The following AFTPH variants were observed in gnomAD, a reference collection of about 807,000 sequenced individuals.
AFTPH encodes the protein aftiphilin, also known as aftiphilin protein.
In AFTPH, 7 loss-of-function variants were observed where a neutral mutation model predicts 72.5. The ratio of observed to expected loss-of-function variants is 0.10; its 90% confidence interval spans 0.05 to 0.18. The LOEUF (loss-of-function observed/expected upper bound fraction) is 0.18, where lower values mean the gene tolerates loss of function less well. Among genes scored for constraint, AFTPH ranks in the 10% least tolerant of loss-of-function variants. AFTPH has a pLI of 1.00. For missense variants in AFTPH, 979 were observed against 1,060.5 expected (o/e 0.92, Z 1.07); for synonymous variants, 337 against 370.1 (o/e 0.91, Z 1.03).
chr2:64,559,138 G>A (rs1671564260), intron 2 of AFTPH, among the ~76,000 whole-genome samples: 1 of 152,148 alleles, frequency 6.6e-6, no homozygotes, highest in South Asian at 2.1e-4. Flanking sequence ...CCAGAGTCTG[G>A]GGTCCTGTGT....
At chr2:64,586,745 C>T (rs1673541773) in intron 8 of AFTPH, among the ~76,000 whole-genome samples, 1 of 152,228 alleles carries the variant, frequency 6.6e-6, no homozygotes, top group Admixed American at 6.5e-5. Context: ...AAAGCCTCCT[C>T]TTCAATGAAC....
Position 64,534,674 on chromosome 2 carries a change from G to A in AFTPH, c.-33+10062G>A, listed in dbSNP as rs576195998. Among the ~76,000 whole-genome samples, 4 of 151,494 alleles carry A rather than the reference G, an allele frequency of 2.6e-5. No individual in the cohort carries two copies. The East Asian group carries it at 7.7e-4, about 29-fold the overall frequency. On this transcript the variant is annotated intron_variant, in intron 1 of 8. Transcript: ENST00000238856. ...AGTAGGGAAGTTTTTTGTTGTTGGTGTTGCTGTTCACATAAGCATTTCTTT... is the reference window on the plus strand; with the variant it reads ...AGTAGGGAAGTTTTTTGTTGTTGGTATTGCTGTTCACATAAGCATTTCTTT...
intron 3 of AFTPH, among the ~76,000 whole-genome samples, 184 bp downstream of exon 3, chr2:64,567,897 CA>C (rs11326959): frequency 0.35 from 53,321 of 151,798 alleles, 9,464 homozygotes; most frequent in South Asian, 0.39. Flanking sequence ...AGAAAATTAG[CA>C]GGGTATGGTG....
At chr2:64,545,240 G>C (rs1391145072) in intron 1 of AFTPH, among the ~76,000 whole-genome samples, 1 of 151,890 alleles carries the variant, frequency 6.6e-6, no homozygotes, top group South Asian at 2.1e-4. Flanking sequence ...AGCTACTCTG[G>C]AAAAGAGTTT....
At chr2:64,531,239 G>A (rs1293487900) in intron 1 of AFTPH, among the ~76,000 whole-genome samples, 1 of 152,018 alleles carries the variant, frequency 6.6e-6, no homozygotes, top group Non-Finnish European at 1.5e-5. Flanking sequence ...TGACCTTATT[G>A]TTGATTATTT....
At chr2:64,570,038 A>T (rs1672322387) in intron 5 of AFTPH, among the ~76,000 whole-genome samples, 1 of 152,196 alleles carries the variant, frequency 6.6e-6, no homozygotes, top group South Asian at 2.1e-4. Flanking sequence ...TCCAGTTATT[A>T]ATTTTAAATG....
chr2:64,592,164 C>T (rs1160000386), exon 9 of AFTPH: 33 of 964,278 alleles, frequency 3.4e-5, no homozygotes, highest in South Asian at 8.0e-5. Flanking sequence ...GTTGGTAAGC[C>T]GCACTAGAAA....
At chr2:64,556,826 G>T (rs1301044393) in intron 2 of AFTPH, among the ~76,000 whole-genome samples, 1 of 152,168 alleles carries the variant, frequency 6.6e-6, no homozygotes, top group Non-Finnish European at 1.5e-5. Context: ...AGCCATATAT[G>T]AACATTATTG....
At chr2:64,535,030 C>T (rs1017742404) in intron 1 of AFTPH, among the ~76,000 whole-genome samples, 1 of 152,026 alleles carries the variant, frequency 6.6e-6, no homozygotes, top group Admixed American at 6.5e-5. Flanking sequence ...TTTTTGAAAT[C>T]TTAAGAATGT....
At chr2:64,551,638 C>G in exon 2 of AFTPH, 1 of 1,613,930 alleles carries the variant, frequency 6.2e-7, no homozygotes, top group East Asian at 2.2e-5. Context: ...TATACTCGTC[C>G]CAAGGAAGAG....
chr2:64,570,404 C>G, intron 5 of AFTPH, among the ~76,000 whole-genome samples: 1 of 152,150 alleles, frequency 6.6e-6, no homozygotes, highest in African/African-American at 2.4e-5. Context: ...CCATTATGTG[C>G]ATGTGACAAT....
intron 1 of AFTPH, among the ~76,000 whole-genome samples, chr2:64,547,673 C>T (rs1276439012): frequency 6.6e-6 from 1 of 152,124 alleles, no homozygotes. Flanking sequence ...CCATTATTAT[C>T]TTTATTTCAG....
chr2:64,592,184 A>T (rs1187600885), exon 9 of AFTPH: 8 of 657,950 alleles, frequency 1.2e-5, no homozygotes, highest in Non-Finnish European at 1.9e-5. Flanking sequence ...AGGTATACAT[A>T]GTAATGTATA....
At chr2:64,565,792 G>A (rs1224973484) in intron 2 of AFTPH, among the ~76,000 whole-genome samples, 1 of 152,212 alleles carries the variant, frequency 6.6e-6, no homozygotes, top group Non-Finnish European at 1.5e-5. Flanking sequence ...GCAATCTAAT[G>A]TAATATCTGA....
At chr2:64,570,311 CA>C (rs376673840) in intron 5 of AFTPH, among the ~76,000 whole-genome samples, 8 of 152,094 alleles carry the variant, frequency 5.3e-5, no homozygotes, top group African/African-American at 1.7e-4. Flanking sequence ...AATGCCCCAT[CA>C]AACTAAAAGC....
At chr2:64,568,970 C>A in intron 3 of AFTPH, 122 bp from the exon 4 acceptor site, 4 of 1,040,190 alleles carry the variant, frequency 3.8e-6, no homozygotes, top group South Asian at 2.6e-5. Flanking sequence ...AATAGTTATA[C>A]ACTTACGTTG....
intron 2 of AFTPH, among the ~76,000 whole-genome samples, chr2:64,556,751 T>C (rs368007962): frequency 1.2e-3 from 179 of 152,320 alleles, no homozygotes; most frequent in African/African-American, 4.0e-3. Flanking sequence ...ATTAAAAAAA[T>C]GTTCGTAGTC....
intron 2 of AFTPH, among the ~76,000 whole-genome samples, chr2:64,553,812 C>CTT (rs34604319): frequency 1.3e-4 from 19 of 146,116 alleles, no homozygotes; most frequent in Non-Finnish European, 1.7e-4. Flanking sequence ...AGATTTGGAT[C>CTT]TTTTTTTTTT....
intron 1 of AFTPH, among the ~76,000 whole-genome samples, chr2:64,544,375 C>G (rs1011110547): frequency 2.0e-5 from 3 of 152,104 alleles, no homozygotes; most frequent in African/African-American, 7.2e-5. Context: ...TCTAACAGGT[C>G]TTAGAATAAG....
Sources: allele counts gnomAD v4.1 joint callset (sites outside exome capture counted in the v4.1 genomes callset), GRCh38; gene constraint gnomAD v4.1.1; transcripts MANE v1.5; gene names NCBI Gene and HGNC (gene_info 2026-07-23, HGNC 2026-07-21).